Variants in LMLN observed in about 807,000 individuals in gnomAD.
The protein encoded by LMLN is leishmanolysin like peptidase, also known as leishmanolysin-like peptidase.
A neutral mutation model predicts 92.3 loss-of-function variants in LMLN; 70 were observed. The observed-to-expected ratio is 0.76, with a 90% CI of 0.63 to 0.92. The LOEUF is 0.92. Ranked by LOEUF, LMLN falls within the 40% of genes least tolerant of loss-of-function variation. The probability of loss-of-function intolerance (pLI) is 0.00; values close to 1 mark genes in which losing one functional copy is unlikely to be tolerated. For synonymous variants in LMLN, 308 were observed against 296.2 expected, an observed-to-expected ratio of 1.04 and a Z score of -0.41; for missense variants, 691 against 814.6, an observed-to-expected ratio of 0.85 and a Z score of 1.85.
In LMLN at chr3:198,025,871, A is replaced by G. The variant is rs1722918068; in HGVS notation, c.1656+1083A>G. Among the ~76,000 whole-genome samples, 1 of 152,220 alleles carries G rather than the reference A, an allele frequency of 6.6e-6. No homozygotes were observed. Among genetic ancestry groups the G allele is most frequent in the Non-Finnish European group, 1.5e-5 (1 of 68,030 alleles). On this transcript the variant is annotated intron_variant, in intron 14 of 15. Transcript: ENST00000330198. The surrounding 1 kb of genome is among the most constrained non-coding windows in gnomAD (Gnocchi z 4.3). Reference sequence around the variant, plus strand: ...ATTCCTGTGCCATTTCAGCTGCAAGAGCTAAACGGACCTTTAGAACTGGAA... The same window carrying G: ...ATTCCTGTGCCATTTCAGCTGCAAGGGCTAAACGGACCTTTAGAACTGGAA...
exon 11 of LMLN, chr3:197,999,290 A>T: frequency 6.2e-7 from 1 of 1,613,830 alleles, no homozygotes; most frequent in Non-Finnish European, 8.5e-7. Context: ...TGGTTCTCAC[A>T]CTCAGAATCG....
At chr3:198,013,931 C>A (rs1722532737) in intron 11 of LMLN, among the ~76,000 whole-genome samples, 1 of 140,418 alleles carries the variant, frequency 7.1e-6, no homozygotes, top group Admixed American at 6.9e-5. Flanking sequence ...CCTAACTAGT[C>A]TGACTTCTCT....
At chr3:197,995,394 A>G (rs1027734974) in intron 9 of LMLN, among the ~76,000 whole-genome samples, 6 of 152,184 alleles carry the variant, frequency 3.9e-5, no homozygotes, top group Non-Finnish European at 5.9e-5. Context: ...CACTAACACA[A>G]TGGAATACTA....
At chr3:198,013,420 C>A (rs1186525581) in intron 11 of LMLN, among the ~76,000 whole-genome samples, 1 of 125,806 alleles carries the variant, frequency 7.9e-6, no homozygotes, top group African/African-American at 3.6e-5. Context: ...AGTCTGACTT[C>A]TCTCCACCCT....
At chr3:197,980,384 AAGAAGGCATCTC>A in exon 6 of LMLN, 1 of 1,614,116 alleles carries the variant, frequency 6.2e-7, no homozygotes, top group Non-Finnish European at 8.5e-7. Context: ...GTGCCAGACC[AAGAAGGCATCTC>A]AGATGCAGAC....
exon 16 of LMLN, chr3:198,039,649 T>C (rs1347185332): frequency 8.9e-6 from 1 of 112,836 alleles, no homozygotes; most frequent in Non-Finnish European, 1.7e-5. Context: ...AATTCACTGT[T>C]CCCATTGTTC....
chr3:197,991,233 G>A (rs1721858772), intron 9 of LMLN, among the ~76,000 whole-genome samples: 1 of 151,192 alleles, frequency 6.6e-6, no homozygotes, highest in African/African-American at 2.4e-5. Context: ...CCTCCCGAGT[G>A]GCTGAGACTA....
intron 5 of LMLN, among the ~76,000 whole-genome samples, chr3:197,978,806 C>T (rs1262905058): frequency 6.6e-6 from 1 of 151,950 alleles, no homozygotes; most frequent in Non-Finnish European, 1.5e-5. Flanking sequence ...GCCTGGCCAA[C>T]ACGGTGAAAC....
In LMLN at chr3:197,960,444, G is replaced by C; in HGVS notation, c.219+4G>C. The C allele has an allele frequency of 6.2e-7, 1 of 1,612,008 alleles. No homozygotes were observed. Among genetic ancestry groups the C allele is most frequent in the South Asian group, 1.1e-5 (1 of 90,996 alleles). ...CCACGTCCCCTCTGACACTGAGGTA[G>C]GGCGACATGGGCGGGAGCGGGCCCT... is the stretch of plus-strand genomic sequence containing the variant. On this transcript the variant is annotated splice_donor_region_variant and intron_variant, in intron 1 of 15. Transcript: ENST00000330198.
intron 14 of LMLN, among the ~76,000 whole-genome samples, chr3:198,029,308 C>T (rs910736844): frequency 4.6e-5 from 7 of 152,242 alleles, no homozygotes; most frequent in Middle Eastern, 3.4e-3. Context: ...CACGTTGATC[C>T]TTTTAAAATT....
chr3:197,963,153 C>T (rs2092595837), intron 1 of LMLN, among the ~76,000 whole-genome samples: 1 of 151,170 alleles, frequency 6.6e-6, no homozygotes, highest in African/African-American at 2.4e-5. Context: ...TTTTTCTCAG[C>T]AAAAATGTAT....
intron 1 of LMLN, among the ~76,000 whole-genome samples, chr3:197,968,655 C>G (rs1160399434): frequency 6.6e-6 from 1 of 152,154 alleles, no homozygotes; most frequent in Non-Finnish European, 1.5e-5. Flanking sequence ...TCCAGCCGGT[C>G]CCTCCGTTCA....
At chr3:197,984,728 G>A (rs928864849) in intron 7 of LMLN, among the ~76,000 whole-genome samples, 16 of 151,750 alleles carry the variant, frequency 1.1e-4, no homozygotes, top group Non-Finnish European at 1.5e-5. Context: ...AGATGAGAGG[G>A]GTGAGCCACT....
chr3:198,035,125 C>G (rs1723176001), intron 14 of LMLN, among the ~76,000 whole-genome samples: 1 of 150,350 alleles, frequency 6.7e-6, no homozygotes, highest in South Asian at 2.1e-4. Context: ...TCATCTGAGC[C>G]CAAGGTACTC....
At position 197,960,882 on chromosome 3, in the gene LMLN, A is replaced by G. The variant is rs955127860; in HGVS notation, c.219+442A>G. On this transcript the variant is annotated intron_variant, in intron 1 of 15. Transcript: ENST00000330198. ...CGCTGACCTGAAGTTTCGGGAAGAC[A>G]TTGAACGGAGAGCCAGATAGAGGCG... 3.9e-5 allele frequency among the ~76,000 whole-genome samples: 6 copies of G among 152,182 alleles called. No individual in the cohort carries two copies. In the South Asian group the frequency reaches 8.3e-4, roughly 21 times the overall value.
At chr3:197,965,115 A>G (rs929159079) in intron 1 of LMLN, among the ~76,000 whole-genome samples, 2 of 152,128 alleles carry the variant, frequency 1.3e-5, no homozygotes, top group African/African-American at 4.8e-5. Context: ...CCTGTGTTCA[A>G]GCAGTCTCCC....
At chr3:198,029,281 CATCTT>C (rs1723015417) in intron 14 of LMLN, among the ~76,000 whole-genome samples, 1 of 152,236 alleles carries the variant, frequency 6.6e-6, no homozygotes, top group Non-Finnish European at 1.5e-5. Context: ...TCCCTCCTCT[CATCTT>C]ACTTCCATGA....
intron 1 of LMLN, among the ~76,000 whole-genome samples, chr3:197,974,121 C>T (rs756931256): frequency 1.5e-4 from 23 of 152,118 alleles, no homozygotes; most frequent in Non-Finnish European, 1.9e-4. Flanking sequence ...GACAGAGAAC[C>T]CTAAAAGCTT....
intron 1 of LMLN, among the ~76,000 whole-genome samples, chr3:197,967,618 G>A (rs372269247): frequency 3.9e-5 from 6 of 152,208 alleles, no homozygotes; most frequent in East Asian, 1.9e-4. Flanking sequence ...AGCAGTGCAC[G>A]TATTGTCTTG....
Sources: allele counts gnomAD v4.1 joint callset (sites outside exome capture counted in the v4.1 genomes callset), GRCh38; gene constraint gnomAD v4.1.1; non-coding constraint Gnocchi (gnomAD v3.1); transcripts MANE v1.5; gene names NCBI Gene and HGNC (gene_info 2026-07-23, HGNC 2026-07-21).